Variants in WIZ observed in about 807,000 individuals in gnomAD.
WIZ encodes protein Wiz.
In WIZ, 25 loss-of-function variants were observed where a neutral mutation model predicts 140.2. The ratio of observed to expected loss-of-function variants is 0.18; its 90% confidence interval spans 0.13 to 0.25. WIZ has a LOEUF of 0.25. Among genes scored for constraint, WIZ ranks in the 10% least tolerant of loss-of-function variants. The probability of loss-of-function intolerance (pLI) is 1.00; values close to 1 mark genes in which losing one functional copy is unlikely to be tolerated. For synonymous variants in WIZ, 1,125 were observed against 1,154.3 expected (o/e 0.97, Z 0.51); for missense variants, 2,231 against 2,632.6 (o/e 0.85, Z 3.34).
rs762731186 is a variant in WIZ at position 15,442,689 on chromosome 19, G to A, written c.265C>T (p.Arg89Trp). The A allele has an allele frequency of 3.2e-6, 4 of 1,232,460 alleles. No homozygotes were observed. Among genetic ancestry groups the A allele is most frequent in the African/African-American group, 1.6e-5 (1 of 64,412 alleles). The allele number at this position is 1,232,460 out of a possible 1,614,324, so 76.3% of individuals were successfully genotyped here. A position where few individuals can be genotyped will look rare whatever the true frequency, so the allele number is the denominator to read the frequency against. ...CATGGCACTCACCAGCTGCTGATCC[G>A]ATGGGTGGCGGAGGTGACACGGGGG... ...ALPRVTSATH[R>W]ISSCCWDGGS... Residue 89 changes from arginine (R) to tryptophan (W), a missense_variant, in exon 3 of 13, where the codon CGG (arginine) becomes TGG (tryptophan). Arg to Trp is a moderately radical substitution (Grantham distance 101). This residue lies in a region of WIZ where 16 missense variants were observed against 39.7 expected (regional missense o/e 0.40). Coordinates refer to ENST00000673675, the MANE Select transcript of WIZ (RefSeq NM_001371589.1). The surrounding 1 kb of genome is among the most constrained non-coding windows in gnomAD (Gnocchi z 5.5).
chr19:15,422,652 A>G lies in WIZ; in HGVS notation c.*424T>C, dbSNP rs1968441207. ...CGAGGTGCGTGTTGTGTGTGTTCGCATGTACATGTGTGTGAGAGGATATTC... is the reference window on the plus strand; with the variant it reads ...CGAGGTGCGTGTTGTGTGTGTTCGCGTGTACATGTGTGTGAGAGGATATTC... On this transcript the variant is annotated 3_prime_UTR_variant, in exon 13 of 13. Coordinates refer to ENST00000673675, the MANE Select transcript of WIZ (RefSeq NM_001371589.1). 1 of 182,192 alleles carries G rather than the reference A, an allele frequency of 5.5e-6. No individual in the cohort carries two copies. Among genetic ancestry groups the G allele is most frequent in the African/African-American group, 2.4e-5 (1 of 42,466 alleles). 11.3% of individuals were successfully genotyped at this position (182,192 alleles called of 1,614,324 possible).
In WIZ at chr19:15,427,576, C is replaced by T; in HGVS notation, c.3815-43G>A. On this transcript the variant is annotated intron_variant, in intron 8 of 12. Coordinates refer to ENST00000673675, the MANE Select transcript of WIZ (RefSeq NM_001371589.1). This position sits in a 1 kb window ranked among gnomAD's most constrained non-coding sequence, Gnocchi z 6.4. ...AGGGGCAGTTAGCATCGTGGAACTG[C>T]CAGCATGGTCACCTGCAGGAGTGTC... 6.4e-7 allele frequency: 1 copy of T among 1,563,774 alleles called. No homozygotes were observed. The highest frequency in any genetic ancestry group is 1.2e-5 in the South Asian group (1 of 83,378).
At chr19:15,432,430 T>G in intron 5 of WIZ, 3 of 983,394 alleles carry the variant, frequency 3.1e-6, no homozygotes, top group Non-Finnish European at 2.4e-6. Context: ...GCGCGGGCTC[T>G]TACCGGGCGC....
chr19:15,448,710 A>C (rs145067667), intron 1 of WIZ, among the ~76,000 whole-genome samples: 2,642 of 152,006 alleles, frequency 0.017, 36 homozygotes, highest in Middle Eastern at 0.061. Flanking sequence ...ACACAGCTGC[A>C]CTTTCCCCAG....
At chr19:15,449,692 C>T (rs1281617495) in intron 1 of WIZ, 106 bp downstream of exon 1, 8 of 146,728 alleles carry the variant, frequency 5.5e-5, no homozygotes, top group Non-Finnish European at 9.1e-5. Flanking sequence ...CCCGCCCCCG[C>T]CCCCGCCCCG....
In WIZ at chr19:15,428,595, T is replaced by G; in HGVS notation, c.3416-87A>C. The G allele has an allele frequency of 1.3e-6, 2 of 1,506,096 alleles. No individual in the cohort carries two copies. The highest frequency in any genetic ancestry group is 2.1e-5 in the Admixed American group (1 of 48,742). 93.3% of individuals were successfully genotyped at this position (1,506,096 alleles called of 1,614,324 possible). ...AGGTAGGAGGGTCTGGTGTGATTTT[T>G]GGCTGCTCAGGCAGTTGGGGGGTCC... is the stretch of plus-strand genomic sequence containing the variant. On this transcript the variant is annotated intron_variant, in intron 7 of 12. Transcript: ENST00000673675. This position sits in a 1 kb window ranked among gnomAD's most constrained non-coding sequence, Gnocchi z 6.4.
At chr19:15,448,755 C>T (rs1361660684) in intron 1 of WIZ, among the ~76,000 whole-genome samples, 1 of 152,152 alleles carries the variant, frequency 6.6e-6, no homozygotes, top group Admixed American at 6.5e-5. Flanking sequence ...GCACATCCTA[C>T]TGCCATGCCT....
At position 15,439,864 on chromosome 19, in the gene WIZ, G is replaced by T; in HGVS notation, c.1130C>A (p.Ser377Tyr). Residue 377 changes from serine to tyrosine, a missense_variant, in exon 4 of 13, where the codon TCC becomes TAC. Physicochemically the swap from Ser to Tyr is moderately radical, Grantham distance 144. This residue lies in a region of WIZ where 475 missense variants were observed against 520.2 expected (regional missense o/e 0.91). Coordinates refer to ENST00000673675, the MANE Select transcript of WIZ (RefSeq NM_001371589.1). The surrounding 1 kb of genome is among the most constrained non-coding windows in gnomAD (Gnocchi z 7.0). ...GATCTCCTCAATGATCTTCTCCCGG[G>T]AGGCCTGATGCAGCTGCCGGTGCTG... ...LEQHRQLHQA[S>Y]REKIIEEIQK... 6.5e-7 allele frequency: 1 copy of T among 1,528,842 alleles called. No homozygotes were observed. The highest frequency in any genetic ancestry group is 8.7e-7 in the Non-Finnish European group (1 of 1,143,066). The allele number at this position is 1,528,842 out of a possible 1,614,324, so 94.7% of individuals were successfully genotyped here.
In WIZ at chr19:15,437,097, T is replaced by A; in HGVS notation, c.2449A>T (p.Met817Leu). The A allele has an allele frequency of 6.2e-7, 1 of 1,610,568 alleles. No homozygotes were observed. The highest frequency in any genetic ancestry group is 8.5e-7 in the Non-Finnish European group (1 of 1,178,528). The change falls in exon 5 of 13, where the codon ATG (methionine) becomes TTG (leucine). Residue 817 changes from methionine (M) to leucine (L), a missense_variant. Met to Leu is a conservative substitution (Grantham distance 15, BLOSUM62 2). Coordinates refer to ENST00000673675, the MANE Select transcript of WIZ (RefSeq NM_001371589.1). ...CCAGCCCCGCAGAAGTCACAGCGCATCAGGCTGAAGGTGCCTGGGTCAAAG... is the reference window on the plus strand; with the variant it reads ...CCAGCCCCGCAGAAGTCACAGCGCAACAGGCTGAAGGTGCCTGGGTCAAAG... ...ANFDPGTFSLMRCDFCGAGFD... is the reference protein window; with the variant it reads ...ANFDPGTFSLLRCDFCGAGFD...
At position 15,424,415 on chromosome 19, in the gene WIZ, G is replaced by C; in HGVS notation, c.5315-37C>G. 6.3e-7 allele frequency: 1 copy of C among 1,587,764 alleles called. No homozygotes were observed. Among genetic ancestry groups the C allele is most frequent in the Non-Finnish European group, 8.5e-7 (1 of 1,171,022 alleles). On this transcript the variant is annotated intron_variant, in intron 11 of 12. Transcript: ENST00000673675. This position sits in a 1 kb window ranked among gnomAD's most constrained non-coding sequence, Gnocchi z 9.7. ...AGGGGGACGGGAGATGAGTGGGAGG[G>C]GTGGATGCTGCAGAGACTTGGAATA...
chr19:15,437,013 T>C lies in WIZ; in HGVS notation c.2533A>G (p.Ile845Val). Residue 845 changes from isoleucine (I) to valine (V), a missense_variant, in exon 5 of 13, where the codon ATC (isoleucine) becomes GTC (valine). Ile to Val is a conservative substitution (Grantham distance 29, BLOSUM62 3). Transcript: ENST00000673675. ...GAGACAGTGAGCTCCCAGTTGGTGA[T>C]ACCGAAGTCACGTAGGTGGGCCCGG... Reference protein sequence around the residue: ...HARAHLRDFGITNWELTVSPI... With the variant: ...HARAHLRDFGVTNWELTVSPI... The C allele has an allele frequency of 1.9e-6, 3 of 1,613,842 alleles. No individual in the cohort carries two copies. The highest frequency in any genetic ancestry group is 2.5e-6 in the Non-Finnish European group (3 of 1,179,888).
At chr19:15,432,168 G>A (rs1039101292) in intron 5 of WIZ, among the ~76,000 whole-genome samples, 3 of 152,120 alleles carry the variant, frequency 2.0e-5, no homozygotes, top group Non-Finnish European at 4.4e-5. Flanking sequence ...GGACGGACCG[G>A]AACCGTGGCA....
chr19:15,427,063 G>C lies in WIZ; in HGVS notation c.4285C>G (p.Pro1429Ala), dbSNP rs1437600141. ...TGCAGTTCCCCATGAAGGGCCCCCG[G>C]CAGCATCTCCCGCTTGATCTCCACC... ...IRVEIKREMLPGALHGELHPS... is the reference protein window; with the variant it reads ...IRVEIKREMLAGALHGELHPS... The change falls in exon 9 of 13, where the codon CCG (proline) becomes GCG (alanine). Residue 1429 changes from proline (P) to alanine (A), a missense_variant. Physicochemically the swap from Pro to Ala is conservative, Grantham distance 27. This residue lies in a region of WIZ where 393 missense variants were observed against 451.7 expected (regional missense o/e 0.87). Coordinates refer to ENST00000673675, the MANE Select transcript of WIZ (RefSeq NM_001371589.1). The surrounding 1 kb of genome is among the most constrained non-coding windows in gnomAD (Gnocchi z 6.4). 6.2e-7 allele frequency: 1 copy of C among 1,614,172 alleles called. No individual in the cohort carries two copies. The highest frequency in any genetic ancestry group is 2.2e-5 in the East Asian group (1 of 44,886).
rs1968412443 is a variant in WIZ at position 15,422,230 on chromosome 19, C to A, written c.*846G>T. 1 of 152,242 alleles carries A rather than the reference C, an allele frequency of 6.6e-6. No individual in the cohort carries two copies. The highest frequency in any genetic ancestry group is 1.5e-5 in the Non-Finnish European group (1 of 68,052). 9.4% of individuals were successfully genotyped at this position (152,242 alleles called of 1,614,324 possible). A position where few individuals can be genotyped will look rare whatever the true frequency, so the allele number is the denominator to read the frequency against. ...GCCCAGGATTGCAAAATAAAAAGAT[C>A]CACGTTCCTTATTCTCTACACAAAA... is the stretch of plus-strand genomic sequence containing the variant. On this transcript the variant is annotated 3_prime_UTR_variant, in exon 13 of 13. Transcript: ENST00000673675.
intron 5 of WIZ, among the ~76,000 whole-genome samples, chr19:15,432,871 A>G (rs1969361237): frequency 6.6e-6 from 1 of 151,652 alleles, no homozygotes; most frequent in Admixed American, 6.6e-5. Flanking sequence ...CACGAGCGAA[A>G]CCGTTCGTCT....
In WIZ at chr19:15,425,607, G is replaced by T; in HGVS notation, c.4528C>A (p.Leu1510Ile). 3 of 1,613,450 alleles carry T rather than the reference G, an allele frequency of 1.9e-6. No individual in the cohort carries two copies. The highest frequency in any genetic ancestry group is 2.5e-6 in the Non-Finnish European group (3 of 1,179,852). Reference protein sequence around the residue: ...GSPIDTLREILKKKSKPCLIK... With the variant: ...GSPIDTLREIIKKKSKPCLIK... ...AGGCACGGCTTGGACTTCTTCTTGA[G>T]GATCTCTCGCAGTGTGTCGATGGGC... The change falls in exon 10 of 13, where the codon CTC (leucine) becomes ATC (isoleucine). Residue 1510 changes from leucine to isoleucine, a missense_variant. Around this residue, in one of 15 missense-constraint regions of WIZ, gnomAD observed 393 missense variants for 451.7 expected, o/e 0.87. Transcript: ENST00000673675.
In WIZ at chr19:15,444,875, C is replaced by T. The variant is rs185333463; in HGVS notation, c.206-2127G>A. On this transcript the variant is annotated intron_variant, in intron 2 of 12. Coordinates refer to ENST00000673675, the MANE Select transcript of WIZ (RefSeq NM_001371589.1). ...GACCCCAAGCTCCCAAGATTCCGGGCGTCCCAGATTTGATGATTCTGCGAT... is the reference window on the plus strand; with the variant it reads ...GACCCCAAGCTCCCAAGATTCCGGGTGTCCCAGATTTGATGATTCTGCGAT... Among the ~76,000 whole-genome samples, 10 of 152,308 alleles carry T rather than the reference C, an allele frequency of 6.6e-5. No homozygotes were observed. In the South Asian group the frequency reaches 8.3e-4, roughly 13 times the overall value.
chr19:15,425,698 G>T lies in WIZ; in HGVS notation c.4437C>A (p.Gly1479=). ...GGTGTGAGCGCGCGTGACTCGACAG[G>T]CCCTTGCGGTTCTCGAAGAACTCGC... ...FCGEFFENRK[G]LSSHARSHLR... The change falls in exon 10 of 13, where the codon GGC becomes GGA. Residue 1479 remains glycine, a synonymous_variant. Transcript: ENST00000673675. 5 of 1,612,936 alleles carry T rather than the reference G, an allele frequency of 3.1e-6. No individual in the cohort carries two copies. The highest frequency in any genetic ancestry group is 4.2e-6 in the Non-Finnish European group (5 of 1,179,782).
At chr19:15,431,840 C>A (rs1255911159) in intron 5 of WIZ, among the ~76,000 whole-genome samples, 2 of 152,232 alleles carry the variant, frequency 1.3e-5, no homozygotes, top group Non-Finnish European at 2.9e-5. Flanking sequence ...CCCGCAGCAT[C>A]CCTGGGTGAG....
Sources: allele counts gnomAD v4.1 joint callset (sites outside exome capture counted in the v4.1 genomes callset), GRCh38; gene constraint gnomAD v4.1.1; regional missense constraint gnomAD v4.1.1; non-coding constraint Gnocchi (gnomAD v3.1); transcripts MANE v1.5; gene names NCBI Gene and HGNC (gene_info 2026-07-23, HGNC 2026-07-21).